The following RBFOX1 variants were observed in gnomAD, a reference collection of about 807,000 sequenced individuals.
RBFOX1 encodes the protein RNA binding fox-1 homolog 1, also known as RNA binding protein fox-1 homolog 1.
RBFOX1 carries 8 observed loss-of-function variants against 57.7 expected under a neutral mutation model. The ratio of observed to expected loss-of-function variants is 0.14; its 90% CI spans 0.08 to 0.25. The LOEUF is 0.25. Among genes scored for constraint, RBFOX1 ranks in the 10% least tolerant of loss-of-function variants. RBFOX1 has a pLI of 1.00. For synonymous variants in RBFOX1, 326 were observed against 222.4 expected (o/e 1.47, Z -4.15); for missense variants, 611 against 548.5 (o/e 1.11, Z -1.14).
chr16:6,285,511 G>T (rs1446982982), intron 1 of RBFOX1, among the ~76,000 whole-genome samples: 3 of 152,108 alleles, frequency 2.0e-5, no homozygotes, highest in South Asian at 2.1e-4. Flanking sequence ...CACCTCTTGG[G>T]TGTTGCCGAG....
At chr16:6,591,803 C>T (rs148266349) in intron 2 of RBFOX1, among the ~76,000 whole-genome samples, 2 of 152,138 alleles carry the variant, frequency 1.3e-5, no homozygotes, top group African/African-American at 4.8e-5. Flanking sequence ...AACGCACTAA[C>T]AAACCTCACT....
intron 2 of RBFOX1, among the ~76,000 whole-genome samples, chr16:5,529,410 A>G (rs1355052566): frequency 1.9e-5 from 2 of 105,178 alleles, no homozygotes; most frequent in Admixed American, 2.0e-4. Context: ...TTTTTTTTTT[A>G]ATTTGAGACA....
At chr16:6,898,881 A>C (rs1451665384) in intron 3 of RBFOX1, among the ~76,000 whole-genome samples, 1 of 130,382 alleles carries the variant, frequency 7.7e-6, no homozygotes, top group Non-Finnish European at 1.6e-5. Flanking sequence ...GTACACGTGT[A>C]TAATACGTGT....
chr16:6,484,975 G>A (rs12448134), intron 2 of RBFOX1, among the ~76,000 whole-genome samples: 29,271 of 152,150 alleles, frequency 0.19, 2,903 homozygotes, highest in Middle Eastern at 0.22. Flanking sequence ...TTAAAATGGG[G>A]ACATCTTTCT....
intron 4 of RBFOX1, among the ~76,000 whole-genome samples, chr16:6,011,863 C>G (rs1167931837): frequency 1.3e-5 from 2 of 152,162 alleles, no homozygotes; most frequent in South Asian, 2.1e-4. Context: ...ATCTTGTCAT[C>G]TTTGTTAGTT....
intron 4 of RBFOX1, among the ~76,000 whole-genome samples, chr16:7,358,668 C>A (rs1332015111): frequency 6.6e-6 from 1 of 152,170 alleles, no homozygotes; most frequent in Non-Finnish European, 1.5e-5. Flanking sequence ...GATCCACCCA[C>A]CTCGGCCTCC....
chr16:6,689,649 C>T (rs2059931329), intron 3 of RBFOX1, among the ~76,000 whole-genome samples: 1 of 152,200 alleles, frequency 6.6e-6, no homozygotes, highest in Middle Eastern at 3.4e-3. Flanking sequence ...AGACATATTC[C>T]TTGGGGACAG....
intron 3 of RBFOX1, among the ~76,000 whole-genome samples, chr16:5,764,011 C>T (rs1366067121): frequency 6.6e-6 from 1 of 152,218 alleles, no homozygotes; most frequent in Non-Finnish European, 1.5e-5. Flanking sequence ...GGTACTTTAT[C>T]CTATTCATTG....
At chr16:6,723,348 A>G (rs769321512) in intron 3 of RBFOX1, among the ~76,000 whole-genome samples, 7 of 152,062 alleles carry the variant, frequency 4.6e-5, no homozygotes, top group Non-Finnish European at 8.8e-5. Context: ...TAGGCAGGTT[A>G]TAACATTGAG....
At chr16:7,069,302 G>C (rs2056829714) in intron 4 of RBFOX1, among the ~76,000 whole-genome samples, 1 of 152,118 alleles carries the variant, frequency 6.6e-6, no homozygotes, top group Non-Finnish European at 1.5e-5. Flanking sequence ...CCACCATCTA[G>C]GTATTAAGCC....
At chr16:6,756,903 G>T (rs1207077452) in intron 3 of RBFOX1, among the ~76,000 whole-genome samples, 3 of 151,890 alleles carry the variant, frequency 2.0e-5, no homozygotes. Context: ...TGAACCGAGG[G>T]GATGGAGGTT....
At chr16:7,160,118 A>T (rs1453674336) in intron 4 of RBFOX1, among the ~76,000 whole-genome samples, 4 of 152,192 alleles carry the variant, frequency 2.6e-5, no homozygotes, top group Non-Finnish European at 5.9e-5. Flanking sequence ...ACAGAATATT[A>T]TCCCTTTCAT....
At chr16:6,044,741 A>T (rs1433283450) in intron 1 of RBFOX1, among the ~76,000 whole-genome samples, 1 of 152,208 alleles carries the variant, frequency 6.6e-6, no homozygotes, top group Non-Finnish European at 1.5e-5. Flanking sequence ...GGAAAACCAA[A>T]TAACACATAC....
chr16:6,693,883 A>G (rs140712404), intron 3 of RBFOX1, among the ~76,000 whole-genome samples: 23 of 152,370 alleles, frequency 1.5e-4, no homozygotes, highest in African/African-American at 3.6e-4. Flanking sequence ...AGTGCCATAT[A>G]CAATGTTGGA....
chr16:5,506,036 C>G (rs1458675203), intron 2 of RBFOX1, among the ~76,000 whole-genome samples: 2 of 152,158 alleles, frequency 1.3e-5, no homozygotes, highest in African/African-American at 2.4e-5. Context: ...CAGGGTATCT[C>G]TCAGAGTCCT....
chr16:6,551,789 G>T lies in RBFOX1; in HGVS notation c.-63-102814G>T, dbSNP rs139007956. 8.5e-4 allele frequency among the ~76,000 whole-genome samples: 130 copies of T among 152,322 alleles called. 1 individual carries two copies. The highest frequency in any genetic ancestry group is 6.8e-3 in the Middle Eastern group (2 of 294). On this transcript the variant is annotated intron_variant, in intron 2 of 15. Coordinates refer to ENST00000550418, the MANE Select transcript of RBFOX1 (RefSeq NM_018723.4). ...GAGATGGTCCTTTTCCAACCGGGAC[G>T]TCAGAGCTACTGTGATTATCATGCC...
intron 1 of RBFOX1, among the ~76,000 whole-genome samples, chr16:6,029,600 C>G (rs964864491): frequency 1.3e-5 from 2 of 151,150 alleles, no homozygotes; most frequent in African/African-American, 4.9e-5. Context: ...GGTGAAACCC[C>G]GTCTCTACTA....
intron 2 of RBFOX1, among the ~76,000 whole-genome samples, chr16:5,526,288 A>G (rs908263923): frequency 8.4e-5 from 10 of 119,114 alleles, no homozygotes; most frequent in Admixed American, 5.9e-4. Context: ...CACTCCCTTT[A>G]TTATTATTAT....
intron 4 of RBFOX1, among the ~76,000 whole-genome samples, chr16:7,506,527 C>A (rs963194112): frequency 6.6e-6 from 1 of 152,126 alleles, no homozygotes; most frequent in Admixed American, 6.5e-5. Flanking sequence ...GAAAAGATTT[C>A]TTTTCCTCGT....
Sources: allele counts gnomAD v4.1 joint callset (sites outside exome capture counted in the v4.1 genomes callset), GRCh38; gene constraint gnomAD v4.1.1; transcripts MANE v1.5; gene names NCBI Gene and HGNC (gene_info 2026-07-23, HGNC 2026-07-21).